NFKBIB: variants seen among roughly 807,000 people sequenced by gnomAD.
NFKBIB encodes NFKB inhibitor beta, also known as NF-kappa-B inhibitor beta.
In NFKBIB, 16 loss-of-function variants were observed where a neutral mutation model predicts 32.1. The observed-to-expected ratio is 0.50, with a 90% CI of 0.34 to 0.76. The LOEUF (loss-of-function observed/expected upper bound fraction) is 0.76. Ranked by LOEUF, NFKBIB falls within the 30% of genes least tolerant of loss-of-function variation. The pLI is 0.01. For missense variants in NFKBIB, 437 were observed against 514.9 expected, an observed-to-expected ratio of 0.85 and a Z score of 1.46; for synonymous variants, 222 against 219.5, an observed-to-expected ratio of 1.01 and a Z score of -0.10.
In NFKBIB at chr19:38,900,203, T is replaced by G. The variant is rs748332087; in HGVS notation, c.171T>G (p.Asp57Glu). Residue 57 changes from aspartate to glutamate, a missense_variant, in exon 1 of 6, where the codon GAT becomes GAG. Coordinates refer to ENST00000313582, the MANE Select transcript of NFKBIB (RefSeq NM_002503.5). ...APLVFGYVTE[D>E]GDTALHLAVI... ...TCGTCTTCGGCTACGTCACTGAGGA[T>G]GGGGACACGTGAGTGAACCTTAGGC... 5.0e-6 allele frequency: 8 copies of G among 1,600,294 alleles called. No homozygotes were observed. Among genetic ancestry groups the G allele is most frequent in the Non-Finnish European group, 6.0e-6 (7 of 1,175,572 alleles).
At position 38,900,113 on chromosome 19, in the gene NFKBIB, C is replaced by G; in HGVS notation, c.81C>G (p.Asp27Glu). The change falls in exon 1 of 6, where the codon GAC becomes GAG. Residue 27 changes from aspartate to glutamate, a missense_variant. Physicochemically the swap from Asp to Glu is conservative, Grantham distance 45 (BLOSUM62 2). Transcript: ENST00000313582. ...GCGGCCTGGGCTCCCTGGGTCCGGA[C>G]GCAGCGGCCCCCGGAGGACCTGGGT... is the stretch of plus-strand genomic sequence containing the variant. The part of the protein sequence containing the change: ...CDSGLGSLGP[D>E]AAAPGGPGLG... 1 of 1,575,044 alleles carries G rather than the reference C, an allele frequency of 6.3e-7. No homozygotes were observed. The highest frequency in any genetic ancestry group is 8.6e-7 in the Non-Finnish European group (1 of 1,165,482).
Position 38,907,238 on chromosome 19 carries a change from G to A in NFKBIB, c.637G>A (p.Val213Met), listed in dbSNP as rs757890436. The A allele has an allele frequency of 2.5e-6, 4 of 1,612,604 alleles. No homozygotes were observed. The highest frequency in any genetic ancestry group is 3.4e-6 in the Non-Finnish European group (4 of 1,179,172). Residue 213 changes from valine (V) to methionine (M), a missense_variant, in exon 4 of 6, where the codon GTG becomes ATG. By Grantham distance (21) the Val-to-Met change is conservative. Coordinates refer to ENST00000313582, the MANE Select transcript of NFKBIB (RefSeq NM_002503.5). ...ENYEGHTPLH[V>M]AVIHKDVEMV... ...GTCCCCAGGCCACACCCCACTCCAC[G>A]TGGCCGTTATCCACAAAGATGTGGA...
intron 5 of NFKBIB, 36 bp from the exon 6 acceptor site, chr19:38,908,695 G>T: frequency 6.3e-7 from 1 of 1,587,742 alleles, no homozygotes; most frequent in Non-Finnish European, 8.6e-7. Context: ...AGTGACAGCC[G>T]CCTGAGCCCC....
upstream of NFKBIB, chr19:38,899,697 C>G (rs200742980): frequency 9.3e-5 from 86 of 925,760 alleles, no homozygotes; most frequent in Non-Finnish European, 8.9e-5. Flanking sequence ...GACATTGCGG[C>G]CGCAGACGCG....
rs1220793422 is a variant in NFKBIB at position 38,902,081 on chromosome 19, A to ATTTTTTTTTTTT, written c.179+1873_179+1874insTTTTTTTTTTTT. Among the ~76,000 whole-genome samples the ATTTTTTTTTTTT allele has an allele frequency of 3.2e-4, 18 of 56,512 alleles. 1 individual carries two copies. The highest frequency in any genetic ancestry group is 3.6e-3 in the East Asian group (2 of 560). The allele number at this position is 56,512 out of a possible 152,430, so 37.1% of individuals were successfully genotyped here. On this transcript the variant is annotated intron_variant, in intron 1 of 5. Coordinates refer to ENST00000313582, the MANE Select transcript of NFKBIB (RefSeq NM_002503.5). ...CCTTCTGTATAGTGTTTTTCATTTT[A>ATTTTTTTTTTTT]TTTCTTTTTTTTTTTTTGAGATGGA...
chr19:38,899,803 G>A (rs1973876644), upstream of NFKBIB: 1 of 688,834 alleles, frequency 1.5e-6, no homozygotes, highest in East Asian at 2.7e-5. Context: ...AGCCATGTTG[G>A]TAAAGGGCGC....
intron 5 of NFKBIB, chr19:38,908,462 C>A: frequency 9.9e-7 from 1 of 1,006,464 alleles, no homozygotes; most frequent in Non-Finnish European, 1.3e-6. Flanking sequence ...TTGCTTGAAC[C>A]TGGGAGGTGG....
chr19:38,907,723 G>C (rs1242266326), intron 5 of NFKBIB, 64 bp downstream of exon 5: 1 of 1,492,922 alleles, frequency 6.7e-7, no homozygotes, highest in South Asian at 1.3e-5. Context: ...CAGGCAAGAA[G>C]CCCAAGAAGA....
Position 38,908,714 on chromosome 19 carries a change from GT to G in NFKBIB, c.970-16del, listed in dbSNP as rs1568417770. On this transcript the variant is annotated splice_polypyrimidine_tract_variant and intron_variant, in intron 5 of 5. Coordinates refer to ENST00000313582, the MANE Select transcript of NFKBIB (RefSeq NM_002503.5). ...ACAGCCGCCTGAGCCCCTCTGCCTG[GT>G]CCCCTTTGCCCCCAGGATGAATACG... 1.9e-6 allele frequency: 3 copies of G among 1,606,702 alleles called. No individual in the cohort carries two copies. Among genetic ancestry groups the G allele is most frequent in the Non-Finnish European group, 2.6e-6 (3 of 1,176,080 alleles).
At chr19:38,908,601 G>T in intron 5 of NFKBIB, 130 bp from the exon 6 acceptor site, 1 of 1,388,428 alleles carries the variant, frequency 7.2e-7, no homozygotes, top group Non-Finnish European at 9.3e-7. Flanking sequence ...GAAACTGGGA[G>T]GTTGAGCCAG....
chr19:38,908,239 G>T, intron 5 of NFKBIB: 1 of 992,466 alleles, frequency 1.0e-6, no homozygotes, highest in Non-Finnish European at 1.2e-6. Flanking sequence ...CTGTAGAAAT[G>T]ACCTTGAAAA....
intron 1 of NFKBIB, among the ~76,000 whole-genome samples, chr19:38,900,486 C>T (rs1445575041): frequency 6.6e-6 from 1 of 152,212 alleles, no homozygotes. Flanking sequence ...AACCTGACTC[C>T]AGTCCTGAGA....
rs368928450 is a variant in NFKBIB at position 38,905,181 on chromosome 19, G to A, written c.286-21G>A. 1.9e-5 allele frequency: 31 copies of A among 1,606,068 alleles called. No homozygotes were observed. The highest frequency in any genetic ancestry group is 2.7e-5 in the African/African-American group (2 of 74,762). On this transcript the variant is annotated intron_variant, in intron 2 of 5. Transcript: ENST00000313582. The surrounding 1 kb of genome is among the most constrained non-coding windows in gnomAD (Gnocchi z 5.5). ...AGGGTTCCCAGTGTGACTCCCTACC[G>A]CCTGTCCTCTGCTTCTGCAGACAGC...
upstream of NFKBIB, chr19:38,899,893 T>C: frequency 1.2e-6 from 1 of 853,796 alleles, no homozygotes; most frequent in Non-Finnish European, 1.8e-6. Flanking sequence ...GAGGGCGGGG[T>C]GTGAGCGATT....
intron 1 of NFKBIB, among the ~76,000 whole-genome samples, chr19:38,902,436 G>A (rs1031258528): frequency 6.6e-6 from 1 of 152,150 alleles, no homozygotes; most frequent in Non-Finnish European, 1.5e-5. Flanking sequence ...TTGCTTTAAG[G>A]TGGGGGTTGG....
At chr19:38,908,631 T>G in intron 5 of NFKBIB, 100 bp from the exon 6 acceptor site, 1 of 1,438,224 alleles carries the variant, frequency 7.0e-7, no homozygotes, top group Non-Finnish European at 9.1e-7. Context: ...AACTTGGGCT[T>G]TGAGGCGAGA....
chr19:38,907,127 C>A, intron 3 of NFKBIB, 94 bp from the exon 4 acceptor site: 2 of 1,158,206 alleles, frequency 1.7e-6, no homozygotes, highest in Non-Finnish European at 2.5e-6. Context: ...AACCTAATCA[C>A]CCTCACGCCA....
chr19:38,907,942 G>A, intron 5 of NFKBIB: 6 of 1,272,664 alleles, frequency 4.7e-6, no homozygotes, highest in Non-Finnish European at 6.0e-6. Context: ...AGCGGGGGTG[G>A]GTGGTAGCGC....
intron 1 of NFKBIB, among the ~76,000 whole-genome samples, chr19:38,904,000 G>A (rs8104984): frequency 0.033 from 4,960 of 152,130 alleles, 284 homozygotes; most frequent in African/African-American, 0.11. Flanking sequence ...AACCCAGGAG[G>A]TGGAGGTTGC....
Sources: gnomAD v4.1 joint callset for allele counts (sites outside exome capture counted in the v4.1 genomes callset) on GRCh38, gnomAD v4.1.1 for gene constraint, Gnocchi (gnomAD v3.1) non-coding constraint, MANE v1.5 for transcripts, NCBI Gene and HGNC (gene_info 2026-07-23, HGNC 2026-07-21) for gene names.